CSMD1: variants seen among roughly 807,000 people sequenced by gnomAD.
CSMD1 encodes CUB and Sushi multiple domains 1.
A neutral mutation model predicts 417.5 loss-of-function variants in CSMD1; 213 were observed. The ratio of observed to expected loss-of-function variants is 0.51; its 90% CI spans 0.46 to 0.57. CSMD1 has a LOEUF of 0.57. Among genes scored for constraint, CSMD1 ranks in the 20% least tolerant of loss-of-function variants. CSMD1 has a pLI of 0.00. For synonymous variants in CSMD1, 2,862 were observed against 1,736.8 expected (o/e 1.65, Z -16.11); for missense variants, 6,923 against 4,529.7 (o/e 1.53, Z -15.17).
chr8:4,348,454 C>T (rs1800900716), intron 3 of CSMD1, among the ~76,000 whole-genome samples: 1 of 152,010 alleles, frequency 6.6e-6, no homozygotes, highest in Non-Finnish European at 1.5e-5. Context: ...CCTTTCTGAT[C>T]ATTTGCTGAA....
At chr8:4,549,608 G>A (rs184361829) in intron 2 of CSMD1, among the ~76,000 whole-genome samples, 86 of 152,184 alleles carry the variant, frequency 5.7e-4, no homozygotes, top group African/African-American at 1.9e-3. Context: ...GACATGAATG[G>A]CCGGGCGCGG....
chr8:3,914,314 G>A (rs539985789), intron 5 of CSMD1, among the ~76,000 whole-genome samples: 5 of 151,862 alleles, frequency 3.3e-5, no homozygotes, highest in African/African-American at 1.2e-4. Context: ...TTTTAAGAAC[G>A]AGGAAGAGAA....
chr8:3,980,790 G>C (rs926159229), intron 5 of CSMD1, among the ~76,000 whole-genome samples: 2 of 152,092 alleles, frequency 1.3e-5, no homozygotes, highest in African/African-American at 2.4e-5. Flanking sequence ...ACTTAGACTG[G>C]GGATACATAC....
chr8:4,011,932 T>C (rs889071089), intron 4 of CSMD1, among the ~76,000 whole-genome samples: 4 of 152,098 alleles, frequency 2.6e-5, no homozygotes, highest in African/African-American at 7.2e-5. Flanking sequence ...CATCTTCCCA[T>C]ATACTTTAAA....
intron 1 of CSMD1, among the ~76,000 whole-genome samples, chr8:4,780,061 A>C (rs1797074268): frequency 6.6e-6 from 1 of 152,188 alleles, no homozygotes; most frequent in African/African-American, 2.4e-5. Context: ...CTCATGGGGC[A>C]CGTACTTCAG....
At chr8:4,257,233 T>C (rs575899782) in intron 3 of CSMD1, among the ~76,000 whole-genome samples, 32 of 152,292 alleles carry the variant, frequency 2.1e-4, no homozygotes, top group African/African-American at 7.0e-4. Flanking sequence ...ACTAATACTA[T>C]TCTGCCATGT....
intron 1 of CSMD1, among the ~76,000 whole-genome samples, chr8:4,811,454 G>C (rs940492753): frequency 5.3e-5 from 8 of 152,070 alleles, no homozygotes; most frequent in East Asian, 1.9e-4. Flanking sequence ...TTTTGTTCTA[G>C]AAGAATACAA....
At chr8:4,279,830 T>A (rs1286708367) in intron 3 of CSMD1, among the ~76,000 whole-genome samples, 1 of 152,170 alleles carries the variant, frequency 6.6e-6, no homozygotes, top group Non-Finnish European at 1.5e-5. Context: ...AAAGACTGAG[T>A]GCTTGCCTGC....
At chr8:4,202,450 G>A (rs147749633) in intron 3 of CSMD1, among the ~76,000 whole-genome samples, 2,001 of 152,210 alleles carry the variant, frequency 0.013, 26 homozygotes, top group Middle Eastern at 0.034. Context: ...TGTACAAAAT[G>A]TTTCATTACG....
chr8:4,705,991 C>A (rs1425279792), intron 1 of CSMD1, among the ~76,000 whole-genome samples: 3 of 151,454 alleles, frequency 2.0e-5, no homozygotes, highest in Admixed American at 6.6e-5. Flanking sequence ...CCTTTATGAA[C>A]TGTAATTTTT....
At chr8:4,199,264 A>C (rs1040684832) in intron 3 of CSMD1, among the ~76,000 whole-genome samples, 1 of 152,196 alleles carries the variant, frequency 6.6e-6, no homozygotes, top group Non-Finnish European at 1.5e-5. Flanking sequence ...CTAAATTCAT[A>C]CATCTTCTGC....
chr8:4,433,770 G>C (rs1229427376), intron 2 of CSMD1, among the ~76,000 whole-genome samples: 3 of 152,048 alleles, frequency 2.0e-5, no homozygotes, highest in Admixed American at 6.6e-5. Context: ...TTTATAGATG[G>C]AGTTTAAAAT....
At chr8:3,255,608 G>C (rs1234697333) in intron 26 of CSMD1, among the ~76,000 whole-genome samples, 2 of 152,200 alleles carry the variant, frequency 1.3e-5, no homozygotes, top group Admixed American at 6.5e-5. Context: ...CCTGCAGTTT[G>C]ATCTCAGACT....
chr8:3,068,616 C>T (rs943719991), intron 49 of CSMD1, among the ~76,000 whole-genome samples: 11 of 152,182 alleles, frequency 7.2e-5, no homozygotes, highest in African/African-American at 2.7e-4. Flanking sequence ...TGCTTGGCTT[C>T]TGGGGAGGCC....
rs186354089 is a variant in CSMD1, at chr8:4,567,786, A to G, written c.302+69556T>C. Among the ~76,000 whole-genome samples the G allele has an allele frequency of 3.9e-5, 6 of 152,298 alleles. No homozygotes were observed. In the East Asian group the frequency reaches 1.2e-3, roughly 29 times the overall value. On this transcript the variant is annotated intron_variant, in intron 2 of 69. Coordinates refer to ENST00000635120, the MANE Select transcript of CSMD1 (RefSeq NM_033225.6). ...CTATTGCTGGTCATAAAATTATCGTATACCAGAAAGGAAAAAAAAAGTGAG... is the reference window on the plus strand; with the variant it reads ...CTATTGCTGGTCATAAAATTATCGTGTACCAGAAAGGAAAAAAAAAGTGAG...
chr8:4,183,764 G>C (rs545193853), intron 3 of CSMD1, among the ~76,000 whole-genome samples: 2 of 152,100 alleles, frequency 1.3e-5, no homozygotes, highest in African/African-American at 4.8e-5. Context: ...TGAGTATTTC[G>C]TTGATGAAAG....
intron 2 of CSMD1, among the ~76,000 whole-genome samples, chr8:4,486,131 A>G (rs900588995): frequency 1.6e-4 from 5 of 31,516 alleles, no homozygotes; most frequent in African/African-American, 5.1e-4. Flanking sequence ...ACATATATAT[A>G]TATATACATA....
intron 1 of CSMD1, among the ~76,000 whole-genome samples, chr8:4,668,013 A>T (rs565482229): frequency 6.6e-6 from 1 of 152,332 alleles, no homozygotes; most frequent in South Asian, 2.1e-4. Flanking sequence ...TTTTTAAGCT[A>T]TAGCGATTCT....
chr8:4,953,846 G>T (rs1298318404), intron 1 of CSMD1, among the ~76,000 whole-genome samples: 1 of 152,074 alleles, frequency 6.6e-6, no homozygotes, highest in African/African-American at 2.4e-5. Flanking sequence ...TGGGATCCCT[G>T]TTCAAATGCA....
Sources: gnomAD v4.1 joint callset for allele counts (sites outside exome capture counted in the v4.1 genomes callset) on GRCh38, gnomAD v4.1.1 for gene constraint, MANE v1.5 for transcripts, NCBI Gene and HGNC (gene_info 2026-07-23, HGNC 2026-07-21) for gene names.